VWA8: variants seen among roughly 807,000 people sequenced by gnomAD.
VWA8 encodes von Willebrand factor A domain containing 8.
VWA8 carries 221 observed loss-of-function variants against 241.5 expected under a neutral mutation model. The ratio of observed to expected loss-of-function variants is 0.91; its 90% CI spans 0.82 to 1.02. The LOEUF (loss-of-function observed/expected upper bound fraction) is 1.02. Among genes scored for constraint, VWA8 ranks in the 50% least tolerant of loss-of-function variants. VWA8 has a pLI of 0.00. For missense variants in VWA8, 2,322 were observed against 2,328.7 expected (o/e 1.00, Z 0.06); for synonymous variants, 852 against 827.1 (o/e 1.03, Z -0.52).
intron 42 of VWA8, among the ~76,000 whole-genome samples, chr13:41,584,050 G>C (rs2044401431): frequency 6.6e-6 from 1 of 152,058 alleles, no homozygotes; most frequent in South Asian, 2.1e-4. Context: ...TGGGGGCGGG[G>C]GTAGAGAGAG....
intron 21 of VWA8, among the ~76,000 whole-genome samples, chr13:41,751,016 T>C (rs575024697): frequency 5.9e-5 from 9 of 152,284 alleles, no homozygotes; most frequent in African/African-American, 9.6e-5. Context: ...GCAGCCTCAA[T>C]TGCAAGACAG....
At chr13:41,854,613 C>G (rs1327802368) in intron 12 of VWA8, among the ~76,000 whole-genome samples, 1 of 151,638 alleles carries the variant, frequency 6.6e-6, no homozygotes, top group African/African-American at 2.4e-5. Context: ...TATGAAAATT[C>G]TAAGTGATAA....
Position 41,830,624 on chromosome 13 carries a change from C to T in VWA8, c.1605G>A (p.Glu535=), listed in dbSNP as rs1871408249. 1.9e-6 allele frequency: 3 copies of T among 1,613,518 alleles called. No homozygotes were observed. Among genetic ancestry groups the T allele is most frequent in the South Asian group, 1.1e-5 (1 of 91,068 alleles). Reference sequence around the variant, plus strand: ...GCCTAGAACCATCATAGAGGCTTAGCTCTCGATCATGGATTAACCTAACAA... The same window carrying T: ...GCCTAGAACCATCATAGAGGCTTAGTTCTCGATCATGGATTAACCTAACAA... ...AVLQRLIHDR[E]LSLYDGSRLL... Residue 535 remains glutamate, a synonymous_variant, in exon 14 of 45, where the codon GAG becomes GAA. Transcript: ENST00000379310.
chr13:41,766,100 G>T (rs1244997650), intron 20 of VWA8, among the ~76,000 whole-genome samples: 1 of 152,120 alleles, frequency 6.6e-6, no homozygotes, highest in Non-Finnish European at 1.5e-5. Flanking sequence ...AAGTAAACAT[G>T]CTTCTAATTT....
intron 20 of VWA8, among the ~76,000 whole-genome samples, chr13:41,774,551 T>G (rs1297013052): frequency 1.3e-5 from 2 of 152,252 alleles, no homozygotes; most frequent in African/African-American, 4.8e-5. Flanking sequence ...TAATGAAGAC[T>G]CTTTATCTCT....
chr13:41,868,499 A>T, intron 9 of VWA8, 22 bp from the exon 10 acceptor site: 1 of 1,604,780 alleles, frequency 6.2e-7, no homozygotes, highest in African/African-American at 1.3e-5. Context: ...CAAGAAAATC[A>T]TGCAATTTAC....
At chr13:41,851,070 T>C (rs1357973998) in intron 12 of VWA8, among the ~76,000 whole-genome samples, 2 of 152,230 alleles carry the variant, frequency 1.3e-5, no homozygotes, top group East Asian at 3.8e-4. Context: ...GTATACAATA[T>C]GGTATTATCA....
At chr13:41,620,201 G>A (rs2044647538) in intron 37 of VWA8, among the ~76,000 whole-genome samples, 1 of 151,852 alleles carries the variant, frequency 6.6e-6, no homozygotes, top group African/African-American at 2.4e-5. Context: ...GTCTTGGGAG[G>A]GTGTATATAT....
At chr13:41,832,551 G>A (rs1399253021) in intron 13 of VWA8, among the ~76,000 whole-genome samples, 2 of 150,760 alleles carry the variant, frequency 1.3e-5, no homozygotes, top group Admixed American at 1.3e-4. Flanking sequence ...TTCAGTATCT[G>A]CATCACATCA....
chr13:41,612,992 CT>C (rs2044599746), intron 38 of VWA8, among the ~76,000 whole-genome samples: 1 of 152,100 alleles, frequency 6.6e-6, no homozygotes. Flanking sequence ...TAATGGACTG[CT>C]TTTACTATTA....
chr13:41,772,310 A>C (rs780178546), intron 20 of VWA8, among the ~76,000 whole-genome samples: 4 of 152,228 alleles, frequency 2.6e-5, no homozygotes, highest in Non-Finnish European at 5.9e-5. Flanking sequence ...CATCAAAAGA[A>C]AACCAGGTCT....
chr13:41,829,101 G>A (rs1413793388), intron 14 of VWA8, among the ~76,000 whole-genome samples: 1 of 152,154 alleles, frequency 6.6e-6, no homozygotes, highest in African/African-American at 2.4e-5. Context: ...CAGGGCAACA[G>A]AGGAAAGATT....
At chr13:41,573,486 A>AAAAAAATAAATAT in intron 43 of VWA8, among the ~76,000 whole-genome samples, 2 of 113,596 alleles carry the variant, frequency 1.8e-5, no homozygotes, top group African/African-American at 3.4e-5. Context: ...AAAAAAAAAA[A>AAAAAAATAAATAT]ATATATATAT....
chr13:41,662,950 C>T lies in VWA8; in HGVS notation c.4611+7996G>A, dbSNP rs12854070. On this transcript the variant is annotated intron_variant, in intron 37 of 44. Transcript: ENST00000379310. The stretch of plus-strand genomic sequence containing the variant: ...GAGTACCACTTCAATTTCCAAGCTG[C>T]CTTGAATCAAAACCAGAAGACTCTG... 9.5e-3 allele frequency among the ~76,000 whole-genome samples: 1,441 copies of T among 152,274 alleles called. 12 individuals carry two copies. Among genetic ancestry groups the T allele is most frequent in the African/African-American group, 0.021 (863 of 41,554 alleles).
At chr13:41,870,646 A>G (rs1392016175) in intron 9 of VWA8, among the ~76,000 whole-genome samples, 1 of 151,804 alleles carries the variant, frequency 6.6e-6, no homozygotes, top group Non-Finnish European at 1.5e-5. Context: ...AAAAAAAAAA[A>G]AAAAAAGAAA....
chr13:41,905,171 G>A (rs1875648729), intron 4 of VWA8: 1 of 151,962 alleles, frequency 6.6e-6, no homozygotes, highest in African/African-American at 2.4e-5. Context: ...AAGAAGATTA[G>A]CATGACCCCT....
At position 41,787,482 on chromosome 13, in the gene VWA8, T is replaced by A; in HGVS notation, c.2125A>T (p.Ile709Leu). ...GGCTCCAAATTGTCATCAGTATTTA[T>A]TTCTATTGTAGCATCTGCCAGATTT... ...EKNLADATIE[I>L]NTDDNLEPEL... is the part of the protein sequence containing the mutation. Residue 709 changes from isoleucine to leucine, a missense_variant, in exon 18 of 45, where the codon ATA becomes TTA. Coordinates refer to ENST00000379310, the MANE Select transcript of VWA8 (RefSeq NM_015058.2). The A allele has an allele frequency of 1.2e-6, 2 of 1,612,896 alleles. No individual in the cohort carries two copies. Among genetic ancestry groups the A allele is most frequent in the South Asian group, 2.2e-5 (2 of 91,036 alleles).
intron 2 of VWA8, among the ~76,000 whole-genome samples, chr13:41,920,119 C>T (rs151214923): frequency 5.9e-5 from 9 of 152,292 alleles, no homozygotes; most frequent in Non-Finnish European, 1.3e-4. Flanking sequence ...CCTGGCTGCA[C>T]AGAACCTGGG....
chr13:41,619,259 G>C (rs1447873973), intron 37 of VWA8, among the ~76,000 whole-genome samples: 2 of 152,120 alleles, frequency 1.3e-5, no homozygotes, highest in African/African-American at 4.8e-5. Context: ...CTCGTGATTT[G>C]GCTCTCTGTT....
Sources: gnomAD v4.1 joint callset for allele counts (sites outside exome capture counted in the v4.1 genomes callset) on GRCh38, gnomAD v4.1.1 for gene constraint, MANE v1.5 for transcripts, NCBI Gene and HGNC (gene_info 2026-07-23, HGNC 2026-07-21) for gene names.